RCL1: variants seen among roughly 807,000 people sequenced by gnomAD.
RCL1 encodes RNA terminal phosphate cyclase like 1.
In RCL1, 24 loss-of-function variants were observed where a neutral mutation model predicts 42.4. The ratio of observed to expected loss-of-function variants is 0.57; its 90% CI spans 0.41 to 0.80. The LOEUF (loss-of-function observed/expected upper bound fraction) is 0.80. Ranked by LOEUF, RCL1 falls within the 30% of genes least tolerant of loss-of-function variation. The pLI is 0.00. For synonymous variants in RCL1, 228 were observed against 177.3 expected, an observed-to-expected ratio of 1.29 and a Z score of -2.27; for missense variants, 578 against 467.9, an observed-to-expected ratio of 1.24 and a Z score of -2.17.
At chr9:4,793,893 C>CA (rs1425359634) in intron 1 of RCL1, among the ~76,000 whole-genome samples, 3 of 152,230 alleles carry the variant, frequency 2.0e-5, no homozygotes, top group African/African-American at 7.2e-5. Flanking sequence ...GGGTCGGTGA[C>CA]AATCGCTAAA....
At chr9:4,842,781 T>A (rs1817376702) in intron 6 of RCL1, among the ~76,000 whole-genome samples, 1 of 152,170 alleles carries the variant, frequency 6.6e-6, no homozygotes, top group Non-Finnish European at 1.5e-5. Flanking sequence ...AAAGGGGATT[T>A]CCGAGGGATG....
intron 1 of RCL1, among the ~76,000 whole-genome samples, chr9:4,806,052 G>GTGTT (rs1554636267): frequency 6.8e-6 from 1 of 146,534 alleles, no homozygotes; most frequent in Admixed American, 6.9e-5. Context: ...GTGTTTGTGT[G>GTGTT]TGTGTGTGTG....
At chr9:4,808,818 A>G (rs1279964125) in intron 1 of RCL1, among the ~76,000 whole-genome samples, 1 of 152,220 alleles carries the variant, frequency 6.6e-6, no homozygotes, top group Non-Finnish European at 1.5e-5. Flanking sequence ...GCAAAGCATG[A>G]TATCTAGAAA....
At chr9:4,829,272 G>C (rs1435265421) in intron 3 of RCL1, among the ~76,000 whole-genome samples, 4 of 152,176 alleles carry the variant, frequency 2.6e-5, no homozygotes, top group Non-Finnish European at 5.9e-5. Context: ...ATGGAGAGGT[G>C]ATAGACTAGC....
intron 8 of RCL1, among the ~76,000 whole-genome samples, chr9:4,857,943 T>TTTTTTA (rs1818018962): frequency 6.7e-6 from 1 of 149,162 alleles, no homozygotes; most frequent in African/African-American, 2.5e-5. Context: ...TTTTTTTTTT[T>TTTTTTA]TTTTTTTCAG....
chr9:4,813,798 T>A (rs569912586), intron 1 of RCL1, among the ~76,000 whole-genome samples: 4 of 152,298 alleles, frequency 2.6e-5, no homozygotes, highest in African/African-American at 7.2e-5. Flanking sequence ...CAAATGTCCA[T>A]CAGTGATAGA....
intron 1 of RCL1, among the ~76,000 whole-genome samples, chr9:4,811,885 G>T (rs1490009037): frequency 6.6e-6 from 1 of 151,956 alleles, no homozygotes; most frequent in Non-Finnish European, 1.5e-5. Context: ...TTTAATAATT[G>T]CCATTCTAAC....
At chr9:4,808,506 C>A (rs141023275) in intron 1 of RCL1, among the ~76,000 whole-genome samples, 1 of 152,056 alleles carries the variant, frequency 6.6e-6, no homozygotes, top group African/African-American at 2.4e-5. Context: ...CAGGGTTTCG[C>A]CATGTTGCCC....
intron 8 of RCL1, among the ~76,000 whole-genome samples, chr9:4,852,006 C>T (rs999426511): frequency 2.0e-5 from 3 of 151,998 alleles, no homozygotes; most frequent in African/African-American, 4.8e-5. Context: ...CTCAGCCTCC[C>T]GAGTAGCTGG....
intron 6 of RCL1, among the ~76,000 whole-genome samples, chr9:4,841,774 T>A (rs1587724897): frequency 1.3e-5 from 2 of 152,336 alleles, no homozygotes; most frequent in East Asian, 3.9e-4. Flanking sequence ...AAACAACATA[T>A]TTACATCCAG....
rs147874035 is a variant in RCL1 at position 4,801,973 on chromosome 9, A to G, written c.136+8746A>G. ...GTTGCCGCTGGAGTGCGGTGGTGCAATCTTGGCTCACTGCAGCCTCCGCCT... is the reference window on the plus strand; with the variant it reads ...GTTGCCGCTGGAGTGCGGTGGTGCAGTCTTGGCTCACTGCAGCCTCCGCCT... On this transcript the variant is annotated intron_variant, in intron 1 of 8. Coordinates refer to ENST00000381750, the MANE Select transcript of RCL1 (RefSeq NM_005772.5). 3.9e-4 allele frequency among the ~76,000 whole-genome samples: 59 copies of G among 151,444 alleles called. 2 individuals are homozygous for G. In the East Asian group the frequency reaches 0.011, roughly 29 times the overall value.
chr9:4,857,755 T>C (rs1053920939), intron 8 of RCL1, among the ~76,000 whole-genome samples: 10 of 152,204 alleles, frequency 6.6e-5, no homozygotes, highest in Non-Finnish European at 1.3e-4. Flanking sequence ...CTAGTGGTTC[T>C]GCCTCCTCAC....
chr9:4,859,381 A>C (rs1433086356), intron 8 of RCL1, among the ~76,000 whole-genome samples: 1 of 152,206 alleles, frequency 6.6e-6, no homozygotes, highest in African/African-American at 2.4e-5. Context: ...TTTCAGGAAT[A>C]AAATTAATTT....
intron 8 of RCL1, among the ~76,000 whole-genome samples, chr9:4,854,269 A>C (rs1484783996): frequency 6.6e-6 from 1 of 152,200 alleles, no homozygotes; most frequent in Non-Finnish European, 1.5e-5. Context: ...AACTGAATGT[A>C]GTAATTTCAT....
intron 3 of RCL1, among the ~76,000 whole-genome samples, chr9:4,832,580 G>A (rs1816975273): frequency 6.6e-6 from 1 of 152,096 alleles, no homozygotes; most frequent in Admixed American, 6.6e-5. Flanking sequence ...GGAGGCTGAG[G>A]TGGCAGATTA....
At chr9:4,806,044 G>T (rs867105002) in intron 1 of RCL1, among the ~76,000 whole-genome samples, 3,812 of 139,744 alleles carry the variant, frequency 0.027, 137 homozygotes, top group African/African-American at 0.098. Flanking sequence ...GTGTGTGTGT[G>T]TTTGTGTGTG....
chr9:4,806,684 G>A (rs1425054497), intron 1 of RCL1, among the ~76,000 whole-genome samples: 2 of 150,144 alleles, frequency 1.3e-5, no homozygotes, highest in Non-Finnish European at 3.0e-5. Flanking sequence ...TTTTGTTAAG[G>A]ACTTTTGTTT....
At chr9:4,848,610 A>G (rs530742045) in intron 7 of RCL1, among the ~76,000 whole-genome samples, 1 of 152,342 alleles carries the variant, frequency 6.6e-6, no homozygotes, top group Non-Finnish European at 1.5e-5. Flanking sequence ...ACTATGTACA[A>G]TATGTTTTAA....
At chr9:4,810,899 C>G (rs1390880771) in intron 1 of RCL1, among the ~76,000 whole-genome samples, 1 of 152,050 alleles carries the variant, frequency 6.6e-6, no homozygotes, top group African/African-American at 2.4e-5. Context: ...CTTTTGCTTT[C>G]ATTGTTTTTA....
Sources: allele counts gnomAD v4.1 joint callset (sites outside exome capture counted in the v4.1 genomes callset), GRCh38; gene constraint gnomAD v4.1.1; transcripts MANE v1.5; gene names NCBI Gene and HGNC (gene_info 2026-07-23, HGNC 2026-07-21).